SAMTOR: variants seen among roughly 807,000 people sequenced by gnomAD.
The protein encoded by SAMTOR is S-adenosylmethionine sensor upstream of mTORC1, also known as UPF0532 protein C7orf60.
chr7:112,928,420 C>A, the SAMTOR span, among the ~76,000 whole-genome samples: 3 of 151,884 alleles, frequency 2.0e-5, no homozygotes, highest in Admixed American at 1.3e-4. Flanking sequence ...GCCATCCTTA[C>A]GGTACTTTGT....
chr7:112,878,725 G>A, the SAMTOR span, among the ~76,000 whole-genome samples: 155 of 152,244 alleles, frequency 1.0e-3, 2 homozygotes, highest in East Asian at 0.011. Context: ...AAAATGTACT[G>A]AGAAATGAGG....
At chr7:112,936,463 T>C in the SAMTOR span, among the ~76,000 whole-genome samples, 1 of 152,176 alleles carries the variant, frequency 6.6e-6, no homozygotes, top group African/African-American at 2.4e-5. Context: ...GCATTAAGCC[T>C]ACCTGCTACT....
the SAMTOR span, chr7:112,939,282 A>C: frequency 2.4e-6 from 1 of 409,794 alleles, no homozygotes; most frequent in Non-Finnish European, 4.4e-6. Context: ...GTGAGCGTGT[A>C]TGTGTTTGTG....
At chr7:112,935,006 T>A in the SAMTOR span, among the ~76,000 whole-genome samples, 1 of 152,208 alleles carries the variant, frequency 6.6e-6, no homozygotes, top group African/African-American at 2.4e-5. Flanking sequence ...CTTTTCATTA[T>A]TTTTCTTCTG....
the SAMTOR span, among the ~76,000 whole-genome samples, chr7:112,834,132 C>T: frequency 6.6e-6 from 1 of 152,120 alleles, no homozygotes; most frequent in Non-Finnish European, 1.5e-5. Flanking sequence ...TACTGCTGTA[C>T]AGTAGTACAC....
At chr7:112,825,084 TGATCTTA>T in the SAMTOR span, among the ~76,000 whole-genome samples, 2 of 152,114 alleles carry the variant, frequency 1.3e-5, no homozygotes, top group Non-Finnish European at 2.9e-5. Context: ...TACAGTGGTG[TGATCTTA>T]GCTCACTGCA....
At chr7:112,919,002 G>C in the SAMTOR span, among the ~76,000 whole-genome samples, 20 of 152,272 alleles carry the variant, frequency 1.3e-4, no homozygotes, top group Non-Finnish European at 2.5e-4. Flanking sequence ...AATAATGGGA[G>C]ACTTTAACAC....
chr7:112,934,100 T>G, the SAMTOR span, among the ~76,000 whole-genome samples: 1 of 152,156 alleles, frequency 6.6e-6, no homozygotes, highest in Non-Finnish European at 1.5e-5. Context: ...AAATGAAGCA[T>G]AAATGGCGGC....
the SAMTOR span, among the ~76,000 whole-genome samples, chr7:112,842,102 C>T: frequency 6.6e-6 from 1 of 151,936 alleles, no homozygotes; most frequent in African/African-American, 2.4e-5. Flanking sequence ...TTACTATAAG[C>T]AATTTACATT....
chr7:112,931,754 G>A, the SAMTOR span, among the ~76,000 whole-genome samples: 10 of 152,080 alleles, frequency 6.6e-5, no homozygotes, highest in Middle Eastern at 0.02. Context: ...CACAGCAATG[G>A]GTATTAGTGT....
the SAMTOR span, among the ~76,000 whole-genome samples, chr7:112,938,092 CCATTT>C: frequency 2.0e-4 from 30 of 152,154 alleles, no homozygotes; most frequent in East Asian, 5.8e-3. Flanking sequence ...GAAAATGTGT[CCATTT>C]ATTTCCTAAT....
At chr7:112,907,154 G>A in the SAMTOR span, among the ~76,000 whole-genome samples, 3 of 151,988 alleles carry the variant, frequency 2.0e-5, no homozygotes, top group Non-Finnish European at 2.9e-5. Flanking sequence ...TATACACAAT[G>A]GAATATGACA....
the SAMTOR span, among the ~76,000 whole-genome samples, chr7:112,859,675 G>A: frequency 6.6e-6 from 1 of 151,444 alleles, no homozygotes; most frequent in Non-Finnish European, 1.5e-5. Flanking sequence ...AAATGTGTTT[G>A]TGTCTTAGCT....
the SAMTOR span, chr7:112,819,620 T>C: frequency 1.3e-5 from 2 of 152,702 alleles, no homozygotes; most frequent in African/African-American, 2.4e-5. Flanking sequence ...AACAAATTTA[T>C]ACTAAGTGGT....
chr7:112,900,467 C>T, the SAMTOR span, among the ~76,000 whole-genome samples: 2 of 152,200 alleles, frequency 1.3e-5, no homozygotes, highest in Non-Finnish European at 2.9e-5. Context: ...ATATCAATCT[C>T]ATTTGGAAAC....
chr7:112,895,759 T>A, the SAMTOR span: 1 of 1,481,322 alleles, frequency 6.8e-7, no homozygotes. Flanking sequence ...AAAATAAAGT[T>A]GTATTTTAAC....
At chr7:112,881,805 G>C in the SAMTOR span, among the ~76,000 whole-genome samples, 1 of 152,192 alleles carries the variant, frequency 6.6e-6, no homozygotes, top group African/African-American at 2.4e-5. Flanking sequence ...CCCTCCAGCT[G>C]TCTGTGTACA....
chr7:112,911,470 G>A, the SAMTOR span, among the ~76,000 whole-genome samples: 1 of 151,862 alleles, frequency 6.6e-6, no homozygotes, highest in Non-Finnish European at 1.5e-5. Context: ...ATGTCTCTCT[G>A]GAGAAAAAGG....
the SAMTOR span, among the ~76,000 whole-genome samples, chr7:112,838,315 T>C: frequency 6.6e-6 from 1 of 151,972 alleles, no homozygotes; most frequent in East Asian, 1.9e-4. Context: ...TCTATGTTTA[T>C]AAGTGGGCAA....
Sources: gnomAD v4.1 joint callset for allele counts (sites outside exome capture counted in the v4.1 genomes callset) on GRCh38, gnomAD v4.1.1 for gene constraint, MANE v1.5 for transcripts, NCBI Gene and HGNC (gene_info 2026-07-23, HGNC 2026-07-21) for gene names.